CREB3L2: variants seen among roughly 807,000 people sequenced by gnomAD.
CREB3L2 encodes cyclic AMP-responsive element-binding protein 3-like protein 2.
In CREB3L2, 23 loss-of-function variants were observed where a neutral mutation model predicts 57.2. That is an observed-to-expected ratio of 0.40 (90% CI 0.29 to 0.57). The LOEUF is 0.57. CREB3L2 is among the 20% of genes least tolerant of loss of function. The pLI, the probability that CREB3L2 is intolerant of heterozygous loss-of-function variation, is 0.42. For synonymous variants in CREB3L2, 268 were observed against 265.1 expected (o/e 1.01, Z -0.11); for missense variants, 628 against 634.7 (o/e 0.99, Z 0.11).
chr7:137,913,750 CT>C (rs1408754298), intron 3 of CREB3L2, among the ~76,000 whole-genome samples: 1 of 152,080 alleles, frequency 6.6e-6, no homozygotes, highest in Non-Finnish European at 1.5e-5. Flanking sequence ...TCCACTCCCC[CT>C]ATCCTCACTC....
intron 1 of CREB3L2, among the ~76,000 whole-genome samples, chr7:137,986,737 C>T (rs1801797674): frequency 6.6e-6 from 1 of 152,198 alleles, no homozygotes; most frequent in Admixed American, 6.5e-5. Flanking sequence ...CCAGCCATCC[C>T]ACCCTCATTT....
intron 2 of CREB3L2, among the ~76,000 whole-genome samples, chr7:137,922,415 T>TATACAC (rs1491237233): frequency 3.9e-4 from 9 of 23,160 alleles, no homozygotes; most frequent in African/African-American, 1.2e-3. Flanking sequence ...TATATATATA[T>TATACAC]GTATATATAT....
At chr7:137,913,961 T>A (rs907639850) in intron 3 of CREB3L2, among the ~76,000 whole-genome samples, 1 of 151,184 alleles carries the variant, frequency 6.6e-6, no homozygotes, top group Non-Finnish European at 1.5e-5. Flanking sequence ...AGCCTGGGAG[T>A]TTTCCCTGCC....
chr7:137,977,869 C>T (rs756136449), intron 1 of CREB3L2, among the ~76,000 whole-genome samples: 4 of 150,244 alleles, frequency 2.7e-5, no homozygotes, highest in African/African-American at 4.9e-5. Flanking sequence ...TGCAGTGAAC[C>T]GAGATCATGC....
In CREB3L2 at chr7:138,001,336, G is replaced by T. The variant is rs1250553476; in HGVS notation, c.102+268C>A. On this transcript the variant is annotated intron_variant, in intron 1 of 11. Transcript: ENST00000330387. This position sits in a 1 kb window ranked among gnomAD's most constrained non-coding sequence, Gnocchi z 4.2. ...TACAGTACTGTTAACAACAGCAAAT[G>T]ATATTACAGATGGAAAAAGCCTCAG... is the stretch of plus-strand genomic sequence containing the variant. Among the ~76,000 whole-genome samples, 1 of 152,106 alleles carries T rather than the reference G, an allele frequency of 6.6e-6. No homozygotes were observed. Among genetic ancestry groups the T allele is most frequent in the Non-Finnish European group, 1.5e-5 (1 of 68,022 alleles).
intron 2 of CREB3L2, among the ~76,000 whole-genome samples, chr7:137,923,032 CT>C (rs936903254): frequency 6.6e-6 from 1 of 152,192 alleles, no homozygotes; most frequent in African/African-American, 2.4e-5. Flanking sequence ...CTATCTCCCC[CT>C]GGCCCGTTCC....
intron 5 of CREB3L2, among the ~76,000 whole-genome samples, chr7:137,906,443 TG>T (rs1203418003): frequency 3.3e-5 from 5 of 152,186 alleles, no homozygotes; most frequent in African/African-American, 7.2e-5. Context: ...CACAGTAGAA[TG>T]GCATGTTTAT....
At chr7:137,919,175 C>CT (rs370149890) in intron 2 of CREB3L2, among the ~76,000 whole-genome samples, 4,790 of 140,944 alleles carry the variant, frequency 0.034, 116 homozygotes, top group African/African-American at 0.072. Flanking sequence ...TCAAAGATAT[C>CT]TTTTTTTTTT....
intron 8 of CREB3L2, among the ~76,000 whole-genome samples, chr7:137,897,705 A>G (rs1431264640): frequency 6.6e-6 from 1 of 152,206 alleles, no homozygotes; most frequent in East Asian, 1.9e-4. Context: ...TCCTGTAGAA[A>G]TGTATGAGAA....
intron 8 of CREB3L2, 85 bp from the exon 9 acceptor site, chr7:137,885,587 C>T (rs927147314): frequency 1.2e-5 from 13 of 1,077,996 alleles, no homozygotes; most frequent in Admixed American, 1.9e-5. Flanking sequence ...AGAAGGCCGC[C>T]GTGCCTTTGT....
At chr7:137,906,058 GA>G (rs1799886798) in intron 5 of CREB3L2, among the ~76,000 whole-genome samples, 1 of 152,090 alleles carries the variant, frequency 6.6e-6, no homozygotes, top group African/African-American at 2.4e-5. Flanking sequence ...ATAACCTAGG[GA>G]TTATAATTCA....
intron 1 of CREB3L2, among the ~76,000 whole-genome samples, chr7:137,979,370 C>G (rs1754516531): frequency 6.6e-6 from 1 of 152,194 alleles, no homozygotes; most frequent in Non-Finnish European, 1.5e-5. Context: ...AAGGGCGGGT[C>G]ATCAGGCCAA....
intron 1 of CREB3L2, among the ~76,000 whole-genome samples, chr7:137,936,459 G>A (rs1411549982): frequency 6.6e-6 from 1 of 152,176 alleles, no homozygotes; most frequent in African/African-American, 2.4e-5. Context: ...GTGCGTGTGT[G>A]CATGTGAGTG....
At chr7:137,979,619 G>C (rs557227713) in intron 1 of CREB3L2, among the ~76,000 whole-genome samples, 1 of 152,060 alleles carries the variant, frequency 6.6e-6, no homozygotes, top group Non-Finnish European at 1.5e-5. Context: ...CCAGCTACTC[G>C]GGAGGCTGAG....
At chr7:137,883,215 G>A (rs1799336072) in intron 10 of CREB3L2, among the ~76,000 whole-genome samples, 3 of 152,208 alleles carry the variant, frequency 2.0e-5, no homozygotes, top group African/African-American at 2.4e-5. Context: ...GTTCCTTGGG[G>A]GGAAAAATTC....
intron 1 of CREB3L2, among the ~76,000 whole-genome samples, chr7:137,975,117 T>C (rs1339294992): frequency 6.6e-6 from 1 of 152,126 alleles, no homozygotes; most frequent in African/African-American, 2.4e-5. Flanking sequence ...CCGTAAAGCA[T>C]TATAAAAATA....
intron 5 of CREB3L2, among the ~76,000 whole-genome samples, chr7:137,907,814 TTAGGCA>T (rs1201464664): frequency 6.6e-6 from 1 of 152,168 alleles, no homozygotes; most frequent in Non-Finnish European, 1.5e-5. Context: ...TTTTTGACCT[TTAGGCA>T]TCAAAGAAAT....
chr7:137,899,096 AGAAGGAAGGAAGGAAGGAAG>A (rs200596273), intron 8 of CREB3L2, among the ~76,000 whole-genome samples: 2,181 of 83,594 alleles, frequency 0.026, 90 homozygotes, highest in African/African-American at 0.052. Flanking sequence ...AAAAGGAAAG[AGAAGGAAGGAAGGAAGGAAG>A]GAAGGAAGGA....
chr7:137,979,975 G>T (rs1801684502), intron 1 of CREB3L2, among the ~76,000 whole-genome samples: 1 of 152,226 alleles, frequency 6.6e-6, no homozygotes, highest in Non-Finnish European at 1.5e-5. Flanking sequence ...GGTGCATGCG[G>T]ATGATGGGTG....
Sources: allele counts gnomAD v4.1 joint callset (sites outside exome capture counted in the v4.1 genomes callset), GRCh38; gene constraint gnomAD v4.1.1; non-coding constraint Gnocchi (gnomAD v3.1); transcripts MANE v1.5; gene names NCBI Gene and HGNC (gene_info 2026-07-23, HGNC 2026-07-21).